Variants in UBTD1 observed in about 807,000 individuals in gnomAD.
The protein encoded by UBTD1 is ubiquitin domain-containing protein 1.
Under a neutral mutation model 21.7 loss-of-function variants are expected in UBTD1, and 19 were observed. That is an observed-to-expected ratio of 0.87 (90% CI 0.61 to 1.28). The LOEUF (loss-of-function observed/expected upper bound fraction) is 1.28. Among genes scored for constraint, UBTD1 ranks in the 50% most tolerant of loss-of-function variants. The pLI is 0.00. For synonymous variants in UBTD1, 116 were observed against 135.1 expected (o/e 0.86, Z 0.98); for missense variants, 282 against 315.1 (o/e 0.89, Z 0.80).
At chr10:97,527,977 G>C (rs1367881291) in intron 1 of UBTD1, among the ~76,000 whole-genome samples, 1 of 152,014 alleles carries the variant, frequency 6.6e-6, no homozygotes, top group Non-Finnish European at 1.5e-5. Flanking sequence ...CCTCCCAGAC[G>C]GGGTGGTGGC....
At chr10:97,507,448 G>A (rs2040403770) in intron 1 of UBTD1, among the ~76,000 whole-genome samples, 1 of 151,104 alleles carries the variant, frequency 6.6e-6, no homozygotes, top group Admixed American at 6.6e-5. Flanking sequence ...AAAAACCCGG[G>A]CCACATAGTG....
chr10:97,565,174 T>G (rs1382172651), intron 1 of UBTD1, among the ~76,000 whole-genome samples: 1 of 152,180 alleles, frequency 6.6e-6, no homozygotes, highest in Non-Finnish European at 1.5e-5. Flanking sequence ...ATAAATCTCT[T>G]CAAATATTTT....
chr10:97,505,613 C>T (rs1267366119), intron 1 of UBTD1, among the ~76,000 whole-genome samples: 1 of 152,246 alleles, frequency 6.6e-6, no homozygotes, highest in Non-Finnish European at 1.5e-5. Context: ...AGAGTTTCAT[C>T]TGGCATTGGT....
intron 2 of UBTD1, among the ~76,000 whole-genome samples, chr10:97,568,931 C>A (rs980399407): frequency 2.0e-5 from 3 of 152,194 alleles, no homozygotes; most frequent in African/African-American, 7.2e-5. Flanking sequence ...TCAAGTGATT[C>A]TCCTGTCTCA....
chr10:97,499,488 A>T (rs1394277452), intron 1 of UBTD1, among the ~76,000 whole-genome samples: 1 of 150,896 alleles, frequency 6.6e-6, no homozygotes. Flanking sequence ...TGCGCGACCA[A>T]CTCTCTCCAA....
intron 1 of UBTD1, among the ~76,000 whole-genome samples, chr10:97,565,778 C>T (rs939740215): frequency 1.3e-5 from 2 of 152,200 alleles, no homozygotes; most frequent in South Asian, 4.1e-4. Flanking sequence ...GTGGCATGAT[C>T]ATGGCTCACT....
At chr10:97,527,208 GGCTGCGGTGGCTTATGCCTAT>G in intron 1 of UBTD1, among the ~76,000 whole-genome samples, 1 of 146,254 alleles carries the variant, frequency 6.8e-6, no homozygotes, top group Non-Finnish European at 1.5e-5. Flanking sequence ...TGCCTTGGCA[GGCTGCGGTGGCTTATGCCTAT>G]AATCCCATAT....
In UBTD1 at chr10:97,514,209, G is replaced by A. The variant is rs186233594; in HGVS notation, c.70+14936G>A. On this transcript the variant is annotated intron_variant, in intron 1 of 2. Coordinates refer to ENST00000370664, the MANE Select transcript of UBTD1 (RefSeq NM_024954.5). ...AGCAGGCAGGATGGGAGCCTGGGAC[G>A]AAGCACTGGCTTTACCACCCCAGAC... 5.9e-5 allele frequency among the ~76,000 whole-genome samples: 9 copies of A among 152,148 alleles called. No individual in the cohort carries two copies. In the East Asian group the frequency reaches 1.4e-3, roughly 23 times the overall value.
chr10:97,525,657 G>A (rs1479849615), intron 1 of UBTD1, among the ~76,000 whole-genome samples: 1 of 152,070 alleles, frequency 6.6e-6, no homozygotes, highest in Non-Finnish European at 1.5e-5. Flanking sequence ...GGCCTTCTCT[G>A]GTCCCCCATT....
At chr10:97,554,458 G>C (rs374716088) in intron 1 of UBTD1, among the ~76,000 whole-genome samples, 116 of 152,060 alleles carry the variant, frequency 7.6e-4, no homozygotes, top group African/African-American at 2.5e-3. Flanking sequence ...TGTTGACCAG[G>C]CTGGTCTCGA....
In UBTD1 at chr10:97,557,461, G is replaced by T. The variant is rs188693321; in HGVS notation, c.71-10453G>T. Among the ~76,000 whole-genome samples, 270 of 152,150 alleles carry T rather than the reference G, an allele frequency of 1.8e-3. 1 individual carries two copies. Among genetic ancestry groups the T allele is most frequent in the South Asian group, 3.7e-3 (18 of 4,832 alleles). ...ACTTTTCCTTTTTGGAGCTAAACAG[G>T]ATCTTTTTTATCTTCTTTTCAAGTA... is the stretch of plus-strand genomic sequence containing the variant. On this transcript the variant is annotated intron_variant, in intron 1 of 2. Coordinates refer to ENST00000370664, the MANE Select transcript of UBTD1 (RefSeq NM_024954.5).
At chr10:97,557,007 G>A (rs1237795129) in intron 1 of UBTD1, among the ~76,000 whole-genome samples, 1 of 152,148 alleles carries the variant, frequency 6.6e-6, no homozygotes, top group Non-Finnish European at 1.5e-5. Context: ...CAATAATTGA[G>A]ACTTTTAGAA....
intron 1 of UBTD1, among the ~76,000 whole-genome samples, chr10:97,549,440 C>T (rs547112924): frequency 4.5e-4 from 69 of 152,362 alleles, no homozygotes; most frequent in African/African-American, 1.4e-3. Context: ...TTCACTCGCC[C>T]GTGCAGCATG....
chr10:97,528,290 C>T, intron 1 of UBTD1, among the ~76,000 whole-genome samples: 1 of 138,270 alleles, frequency 7.2e-6, no homozygotes, highest in African/African-American at 2.7e-5. Flanking sequence ...GGGCGGCTGG[C>T]CGGGCAGGGG....
chr10:97,522,290 C>T (rs1388408544), intron 1 of UBTD1, among the ~76,000 whole-genome samples: 5 of 152,370 alleles, frequency 3.3e-5, no homozygotes, highest in Admixed American at 6.5e-5. Flanking sequence ...GCACTGAATG[C>T]GTTGGCCTGT....
At chr10:97,515,056 G>A (rs1394064806) in intron 1 of UBTD1, among the ~76,000 whole-genome samples, 1 of 152,236 alleles carries the variant, frequency 6.6e-6, no homozygotes, top group Non-Finnish European at 1.5e-5. Context: ...CTGGGGGTGT[G>A]GCATAGGGAC....
intron 1 of UBTD1, among the ~76,000 whole-genome samples, chr10:97,512,865 G>A (rs909033265): frequency 1.3e-5 from 2 of 152,222 alleles, no homozygotes; most frequent in Non-Finnish European, 2.9e-5. Flanking sequence ...AGAGACTTCC[G>A]CCCAAAGGCC....
chr10:97,540,385 C>T (rs1222964492), intron 1 of UBTD1, among the ~76,000 whole-genome samples: 1 of 152,228 alleles, frequency 6.6e-6, no homozygotes, highest in Non-Finnish European at 1.5e-5. Flanking sequence ...CCCTGACACT[C>T]AGGAGACGCA....
chr10:97,544,724 C>T (rs1274065684), intron 1 of UBTD1, among the ~76,000 whole-genome samples: 1 of 152,180 alleles, frequency 6.6e-6, no homozygotes, highest in Non-Finnish European at 1.5e-5. Flanking sequence ...GGGGCAGTGG[C>T]TCATGCGTGT....
Sources: allele counts gnomAD v4.1 joint callset (sites outside exome capture counted in the v4.1 genomes callset), GRCh38; gene constraint gnomAD v4.1.1; transcripts MANE v1.5; gene names NCBI Gene and HGNC (gene_info 2026-07-23, HGNC 2026-07-21).